RBFOX1: variants seen among roughly 807,000 people sequenced by gnomAD.
RBFOX1 encodes the protein RNA binding fox-1 homolog 1.
In RBFOX1, 8 loss-of-function variants were observed where a neutral mutation model predicts 57.7. The ratio of observed to expected loss-of-function variants is 0.14; its 90% CI spans 0.08 to 0.25. RBFOX1 has a LOEUF of 0.25. Ranked by LOEUF, RBFOX1 falls within the 10% of genes least tolerant of loss-of-function variation. The probability of loss-of-function intolerance (pLI) is 1.00; values close to 1 mark genes in which losing one functional copy is unlikely to be tolerated. For missense variants in RBFOX1, 611 were observed against 548.5 expected (o/e 1.11, Z -1.14); for synonymous variants, 326 against 222.4 (o/e 1.47, Z -4.15).
intron 4 of RBFOX1, among the ~76,000 whole-genome samples, chr16:7,063,832 T>A (rs1054321812): frequency 6.6e-6 from 1 of 152,164 alleles, no homozygotes; most frequent in Non-Finnish European, 1.5e-5. Flanking sequence ...TCAAGTAATA[T>A]AGAGATGTTT....
In RBFOX1 at chr16:7,002,692, T is replaced by C. The variant is rs975016030; in HGVS notation, c.-15-49365T>C. Among the ~76,000 whole-genome samples the C allele has an allele frequency of 8.5e-5, 13 of 152,202 alleles. No individual in the cohort carries two copies. The Middle Eastern group carries it at 0.017, about 199-fold the overall frequency. On this transcript the variant is annotated intron_variant, in intron 3 of 15. Coordinates refer to ENST00000550418, the MANE Select transcript of RBFOX1 (RefSeq NM_018723.4). ...GCGCCACTGCACTCCAGCCTGGTGA[T>C]AGAGTGAGGGTCCAACTCAAAAACA... is the stretch of plus-strand genomic sequence containing the variant.
chr16:5,414,402 GCCATGCCAAT>G (rs1333255952), intron 1 of RBFOX1, among the ~76,000 whole-genome samples: 2 of 152,160 alleles, frequency 1.3e-5, no homozygotes, highest in Non-Finnish European at 2.9e-5. Flanking sequence ...AGCAGAAATG[GCCATGCCAAT>G]TAGTTGTCAC....
chr16:6,548,151 C>T (rs2096921426), intron 2 of RBFOX1, among the ~76,000 whole-genome samples: 1 of 152,184 alleles, frequency 6.6e-6, no homozygotes, highest in African/African-American at 2.4e-5. Flanking sequence ...AAATGTGTCA[C>T]TTTACTGACA....
Position 6,256,175 on chromosome 16 carries a change from A to ATATACGTATATATATG in RBFOX1, c.-126-60816_-126-60815insCGTATATATATGTATA, listed in dbSNP as rs1555582254. 2.2e-3 allele frequency among the ~76,000 whole-genome samples: 62 copies of ATATACGTATATATATG among 28,316 alleles called. 7 individuals carry two copies. In the East Asian group the frequency reaches 0.093, roughly 42 times the overall value. 18.6% of individuals were successfully genotyped at this position (28,316 alleles called of 152,430 possible). ...TATATATATGTATATATATATGTAT[A>ATATACGTATATATATG]TATATATATACGTATATATATGTAT... On this transcript the variant is annotated intron_variant, in intron 1 of 15. Coordinates refer to ENST00000550418, the MANE Select transcript of RBFOX1 (RefSeq NM_018723.4).
intron 3 of RBFOX1, among the ~76,000 whole-genome samples, chr16:6,727,281 A>G (rs1016100469): frequency 1.3e-5 from 2 of 151,972 alleles, no homozygotes; most frequent in African/African-American, 4.8e-5. Context: ...TGTAAAATTA[A>G]TTGCGTTTTT....
At chr16:5,686,576 T>C (rs892172057) in intron 3 of RBFOX1, among the ~76,000 whole-genome samples, 1 of 152,094 alleles carries the variant, frequency 6.6e-6, no homozygotes, top group African/African-American at 2.4e-5. Context: ...CTTCTGATTA[T>C]TCACTAAGAT....
At chr16:6,296,208 C>G (rs1391918724) in intron 1 of RBFOX1, among the ~76,000 whole-genome samples, 1 of 152,284 alleles carries the variant, frequency 6.6e-6, no homozygotes, top group East Asian at 1.9e-4. Flanking sequence ...ATCCATTCCC[C>G]AGACACTGCT....
At chr16:5,586,201 A>G (rs2046823043) in intron 2 of RBFOX1, among the ~76,000 whole-genome samples, 1 of 152,174 alleles carries the variant, frequency 6.6e-6, no homozygotes, top group African/African-American at 2.4e-5. Context: ...AACTTCTAGA[A>G]GGAGCCAGCC....
At chr16:6,417,187 T>A (rs896928335) in intron 2 of RBFOX1, among the ~76,000 whole-genome samples, 11 of 151,770 alleles carry the variant, frequency 7.2e-5, no homozygotes, top group African/African-American at 2.7e-4. Context: ...AACTTTTGTA[T>A]TTTTAGTAGA....
chr16:6,939,411 A>G (rs1330306066), intron 3 of RBFOX1, among the ~76,000 whole-genome samples: 8 of 151,740 alleles, frequency 5.3e-5, no homozygotes, highest in Non-Finnish European at 2.9e-5. Context: ...GTATATATAT[A>G]TATGTAGCTA....
chr16:7,514,100 A>G (rs577557200), intron 4 of RBFOX1, among the ~76,000 whole-genome samples: 166 of 152,154 alleles, frequency 1.1e-3, no homozygotes, highest in African/African-American at 4.0e-3. Context: ...GCTATTAGAA[A>G]ACATTTTCCA....
At chr16:7,658,327 T>C (rs58516502) in intron 12 of RBFOX1, among the ~76,000 whole-genome samples, 2,584 of 152,224 alleles carry the variant, frequency 0.017, 29 homozygotes, top group South Asian at 0.032. Flanking sequence ...ACAGAAATGG[T>C]TGAGGCACTT....
At chr16:6,033,749 AC>A (rs549723680) in intron 1 of RBFOX1, among the ~76,000 whole-genome samples, 149 of 152,262 alleles carry the variant, frequency 9.8e-4, no homozygotes, top group Non-Finnish European at 1.8e-3. Context: ...AATATCTTCA[AC>A]CGCCACCACT....
chr16:7,583,254 G>T (rs1291460935), intron 6 of RBFOX1, among the ~76,000 whole-genome samples: 10 of 151,188 alleles, frequency 6.6e-5, no homozygotes, highest in Non-Finnish European at 1.5e-5. Context: ...ACCGGTTGAG[G>T]TTCAAGGGAA....
In RBFOX1 at chr16:6,514,829, C is replaced by G. The variant is rs555476275; in HGVS notation, c.-63-139774C>G. 2.0e-5 allele frequency among the ~76,000 whole-genome samples: 3 copies of G among 152,002 alleles called. No homozygotes were observed. The East Asian group carries it at 5.8e-4, about 30-fold the overall frequency. ...CTCCTGAAGTGTTCATGGATCCGCC[C>G]TCCCTTGTAGTCATGGAGTTTCCAA... is the stretch of plus-strand genomic sequence containing the variant. On this transcript the variant is annotated intron_variant, in intron 2 of 15. Transcript: ENST00000550418.
chr16:7,681,614 T>A (rs2146746784), intron 14 of RBFOX1, among the ~76,000 whole-genome samples: 1 of 152,292 alleles, frequency 6.6e-6, no homozygotes, highest in South Asian at 2.1e-4. Context: ...ATATAAAGTA[T>A]ATGAGCATCC....
chr16:6,891,721 G>T (rs923467455), intron 3 of RBFOX1, among the ~76,000 whole-genome samples: 11 of 152,096 alleles, frequency 7.2e-5, no homozygotes, highest in African/African-American at 2.7e-4. Context: ...TCATCTGAAC[G>T]TGGAACGCAG....
chr16:7,379,521 C>G (rs373810574), intron 4 of RBFOX1, among the ~76,000 whole-genome samples: 2 of 152,176 alleles, frequency 1.3e-5, no homozygotes, highest in East Asian at 3.9e-4. Flanking sequence ...TTAAAATACA[C>G]TGGAGTTTTA....
chr16:6,091,708 G>A (rs778911571), intron 1 of RBFOX1, among the ~76,000 whole-genome samples: 13 of 152,078 alleles, frequency 8.5e-5, no homozygotes, highest in Non-Finnish European at 1.6e-4. Context: ...CAGGAGCCTG[G>A]AATCCCAGCT....
Sources: gnomAD v4.1 joint callset for allele counts (sites outside exome capture counted in the v4.1 genomes callset) on GRCh38, gnomAD v4.1.1 for gene constraint, MANE v1.5 for transcripts, NCBI Gene and HGNC (gene_info 2026-07-23, HGNC 2026-07-21) for gene names.